Variants in RTTN observed in about 807,000 individuals in gnomAD.
RTTN encodes rotatin.
A neutral mutation model predicts 269.2 loss-of-function variants in RTTN; 182 were observed. The ratio of observed to expected loss-of-function variants is 0.68; its 90% CI spans 0.60 to 0.76. The LOEUF (loss-of-function observed/expected upper bound fraction) is 0.76, where lower values mean the gene tolerates loss of function less well. Among genes scored for constraint, RTTN ranks in the 30% least tolerant of loss-of-function variants. The pLI is 0.00. For missense variants in RTTN, 2,545 were observed against 2,608.6 expected (o/e 0.98, Z 0.53); for synonymous variants, 1,006 against 963.5 (o/e 1.04, Z -0.82).
At chr18:70,042,229 A>G (rs74970365) in intron 40 of RTTN, among the ~76,000 whole-genome samples, 5,477 of 152,090 alleles carry the variant, frequency 0.036, 343 homozygotes, top group African/African-American at 0.13. Flanking sequence ...AGAATCCCCA[A>G]GAGAGCCCAG....
At chr18:70,161,998 C>A (rs972738701) in intron 14 of RTTN, among the ~76,000 whole-genome samples, 3 of 152,108 alleles carry the variant, frequency 2.0e-5, no homozygotes, top group African/African-American at 7.2e-5. Context: ...ACCTAGCAAT[C>A]CCTTACTGGG....
intron 14 of RTTN, 61 bp downstream of exon 14, chr18:70,166,001 A>C: frequency 1.9e-6 from 3 of 1,546,902 alleles, no homozygotes; most frequent in Non-Finnish European, 2.7e-6. Flanking sequence ...GTTTGAAGGT[A>C]TAACAAGAGA....
intron 23 of RTTN, among the ~76,000 whole-genome samples, chr18:70,133,505 TAAATA>T (rs1372358639): frequency 6.6e-6 from 1 of 152,082 alleles, no homozygotes; most frequent in Non-Finnish European, 1.5e-5. Context: ...AATAGAATGG[TAAATA>T]AAAGTGTTGT....
intron 28 of RTTN, among the ~76,000 whole-genome samples, chr18:70,101,498 T>A (rs774304983): frequency 1.3e-5 from 2 of 152,192 alleles, no homozygotes; most frequent in Non-Finnish European, 2.9e-5. Flanking sequence ...TAGTGGTGTA[T>A]CTATTTTGTT....
intron 26 of RTTN, among the ~76,000 whole-genome samples, chr18:70,116,022 T>C (rs2059595369): frequency 6.6e-6 from 1 of 152,044 alleles, no homozygotes; most frequent in Non-Finnish European, 1.5e-5. Flanking sequence ...ATATATGTCT[T>C]TGGATAAATT....
chr18:70,105,441 CT>C (rs1187965887), intron 28 of RTTN, among the ~76,000 whole-genome samples: 6 of 152,252 alleles, frequency 3.9e-5, no homozygotes, highest in Non-Finnish European at 7.3e-5. Flanking sequence ...ACCTCTTACG[CT>C]TCCTGGGTGA....
chr18:70,032,613 C>A (rs971560041), intron 40 of RTTN, among the ~76,000 whole-genome samples: 2 of 152,214 alleles, frequency 1.3e-5, no homozygotes, highest in African/African-American at 4.8e-5. Flanking sequence ...GGACTCAATT[C>A]AACAAGGCAA....
At chr18:70,006,527 C>T (rs1811590039) in intron 46 of RTTN, 43 bp from the exon 47 acceptor site, 1 of 1,412,444 alleles carries the variant, frequency 7.1e-7, no homozygotes, top group Admixed American at 1.7e-5. Context: ...GTCCCAGACA[C>T]TGCATTGTAT....
chr18:70,148,042 C>T (rs913401659), intron 17 of RTTN, among the ~76,000 whole-genome samples: 1 of 152,108 alleles, frequency 6.6e-6, no homozygotes, highest in Non-Finnish European at 1.5e-5. Context: ...AATTTTCCTC[C>T]TTCCATTCTC....
chr18:70,134,567 C>G (rs745600965), intron 22 of RTTN, 26 bp from the exon 23 acceptor site: 8 of 1,557,164 alleles, frequency 5.1e-6, no homozygotes, highest in Non-Finnish European at 7.0e-6. Flanking sequence ...AAAACAAAAA[C>G]AAAGAAACAA....
chr18:70,174,364 G>T (rs973421796), intron 11 of RTTN, among the ~76,000 whole-genome samples: 1 of 151,930 alleles, frequency 6.6e-6, no homozygotes, highest in South Asian at 2.1e-4. Flanking sequence ...TATCTTTTCC[G>T]TGTACTACTC....
intron 8 of RTTN, among the ~76,000 whole-genome samples, chr18:70,192,409 G>C (rs531901092): frequency 6.6e-6 from 1 of 152,268 alleles, no homozygotes; most frequent in East Asian, 1.9e-4. Flanking sequence ...GGCCAAGCAT[G>C]GTGACTCATG....
intron 21 of RTTN, among the ~76,000 whole-genome samples, chr18:70,137,231 A>G (rs2060146202): frequency 6.6e-6 from 1 of 152,220 alleles, no homozygotes; most frequent in Non-Finnish European, 1.5e-5. Flanking sequence ...ATTCTCTCTC[A>G]GTAGCAAAGT....
chr18:70,155,807 G>C (rs1316504035), intron 14 of RTTN, among the ~76,000 whole-genome samples: 1 of 152,182 alleles, frequency 6.6e-6, no homozygotes, highest in Non-Finnish European at 1.5e-5. Flanking sequence ...ACATTTATTA[G>C]TTCTCCAAAT....
chr18:70,205,411 C>A, intron 1 of RTTN, 96 bp from the exon 2 acceptor site: 11 of 1,522,860 alleles, frequency 7.2e-6, no homozygotes, highest in Non-Finnish European at 9.9e-6. Flanking sequence ...ACGGAATAAA[C>A]CAGTTTTTTT....
intron 46 of RTTN, among the ~76,000 whole-genome samples, chr18:70,014,312 T>C (rs1173261212): frequency 6.6e-6 from 1 of 152,252 alleles, no homozygotes; most frequent in Admixed American, 6.5e-5. Context: ...GTCATTTATT[T>C]ATCTAAATAT....
chr18:70,087,612 T>C (rs2058734957), intron 31 of RTTN, among the ~76,000 whole-genome samples: 1 of 152,190 alleles, frequency 6.6e-6, no homozygotes, highest in Non-Finnish European at 1.5e-5. Context: ...TTCCCTCTCA[T>C]GTTATATGAT....
chr18:70,108,891 G>T lies in RTTN; in HGVS notation c.3903+607C>A, dbSNP rs528402549. 3.3e-5 allele frequency among the ~76,000 whole-genome samples: 5 copies of T among 151,824 alleles called. No individual in the cohort carries two copies. In the East Asian group the frequency reaches 9.7e-4, roughly 29 times the overall value. The stretch of plus-strand genomic sequence containing the variant: ...AAAAAAAAACTATAAACAGCATACT[G>T]AAGGGTGAAAAATTAAAGGCTTTTG... On this transcript the variant is annotated intron_variant, in intron 28 of 48. Transcript: ENST00000640769.
intron 30 of RTTN, 80 bp from the exon 31 acceptor site, chr18:70,088,227 A>G (rs2145202119): frequency 7.7e-7 from 1 of 1,295,228 alleles, no homozygotes. Flanking sequence ...TGGTACATAA[A>G]TATCACACTT....
Sources: gnomAD v4.1 joint callset for allele counts (sites outside exome capture counted in the v4.1 genomes callset) on GRCh38, gnomAD v4.1.1 for gene constraint, MANE v1.5 for transcripts, NCBI Gene and HGNC (gene_info 2026-07-23, HGNC 2026-07-21) for gene names.